ATRX: variants seen among roughly 807,000 people sequenced by gnomAD.
The protein encoded by ATRX is ATRX chromatin remodeler, also known as chromatin remodeler ATRX.
Under a neutral mutation model 172.6 loss-of-function variants are expected in ATRX, and 12 were observed. That is an observed-to-expected ratio of 0.07 (90% CI 0.04 to 0.11). ATRX has a LOEUF of 0.11. ATRX is among the 10% of genes least tolerant of loss of function. The probability of loss-of-function intolerance (pLI) is 1.00; values close to 1 mark genes in which losing one functional copy is unlikely to be tolerated. For missense variants in ATRX, 1,368 were observed against 1,767.4 expected, an observed-to-expected ratio of 0.77 and a Z score of 4.05; for synonymous variants, 674 against 594.7, an observed-to-expected ratio of 1.13 and a Z score of -1.94.
chrX:77,658,488 A>G (rs2069675392), intron 12 of ATRX, among the ~76,000 whole-genome samples: 2 of 112,125 alleles, frequency 1.8e-5, no homozygotes, highest in South Asian at 7.4e-4. Context: ...TGAATCATAG[A>G]GCAGAAAGAA....
At chrX:77,698,255 T>A (rs2072296927) in intron 3 of ATRX, among the ~76,000 whole-genome samples, 1 of 111,355 alleles carries the variant, frequency 9.0e-6, no homozygotes, top group African/African-American at 3.3e-5. Context: ...AGATACCAAG[T>A]TTTGAGAGAT....
intron 1 of ATRX, among the ~76,000 whole-genome samples, chrX:77,776,378 A>G (rs188180865): frequency 3.7e-4 from 41 of 112,062 alleles, no homozygotes; most frequent in African/African-American, 1.3e-3. Context: ...CTTAATATTT[A>G]CATCACCCCA....
At chrX:77,541,733 T>C (rs955304210) in intron 30 of ATRX, among the ~76,000 whole-genome samples, 3 of 112,001 alleles carry the variant, frequency 2.7e-5, no homozygotes, top group Non-Finnish European at 3.8e-5. Context: ...ATTATCTCAA[T>C]AGATGCAGAA....
chrX:77,705,831 C>T (rs781958180), intron 2 of ATRX, among the ~76,000 whole-genome samples: 1 of 112,516 alleles, frequency 8.9e-6, no homozygotes, highest in Admixed American at 9.4e-5. Context: ...ACTGCACAGA[C>T]TTGATTGCCA....
Position 77,707,246 on chromosome X carries a change from G to A in ATRX, c.134-8617C>T, listed in dbSNP as rs2072878838. Among the ~76,000 whole-genome samples, 3 of 112,196 alleles carry A rather than the reference G, an allele frequency of 2.7e-5. No individual in the cohort carries two copies. In the South Asian group the frequency reaches 1.1e-3, roughly 41 times the overall value. ...GGGGAGTTAGTATGTGATGGGTACA[G>A]AGTTTCACTTGGGGAAGATGAAAAA... On this transcript the variant is annotated intron_variant, in intron 2 of 34. Coordinates refer to ENST00000373344, the MANE Select transcript of ATRX (RefSeq NM_000489.6).
chrX:77,602,052 G>C (rs1303082074), intron 22 of ATRX, among the ~76,000 whole-genome samples: 1 of 111,773 alleles, frequency 8.9e-6, no homozygotes, highest in Non-Finnish European at 1.9e-5. Context: ...CACCCAGGCT[G>C]GAGTGCAGTG....
At position 77,684,329 on chromosome X, in the gene ATRX, A is replaced by G. The variant is rs1557142586; in HGVS notation, c.927T>C (p.Tyr309=). The change falls in exon 9 of 35, where the codon TAT becomes TAC. Residue 309 remains tyrosine (Y), a synonymous_variant. Coordinates refer to ENST00000373344, the MANE Select transcript of ATRX (RefSeq NM_000489.6). ...KVDSEKSNKV[Y]EHTSRFSPKK... ...TTGGAGAAAATCTGGATGTATGTTC[A>G]TATACTTTATTACTCTTTTCACTGT... is the stretch of plus-strand genomic sequence containing the variant. 1 of 1,207,707 alleles carries G rather than the reference A, an allele frequency of 8.3e-7. No individual in the cohort carries two copies. Among genetic ancestry groups the G allele is most frequent in the Non-Finnish European group, 1.1e-6 (1 of 892,933 alleles).
chrX:77,684,117 T>C lies in ATRX; in HGVS notation c.1139A>G (p.Asn380Ser). ...YVKFLKQATD[N>S]SEISSATKLR... ...TTTTGTAGCAGAACTGATTTCTGAA[T>C]TATCTGTTGCCTGCTTTAAAAATTT... The change falls in exon 9 of 35, where the codon AAT becomes AGT. Residue 380 changes from asparagine to serine, a missense_variant. This residue lies in a region of ATRX where 843 missense variants were observed against 643.1 expected (regional missense o/e 1.31). Transcript: ENST00000373344. 8.3e-7 allele frequency: 1 copy of C among 1,208,061 alleles called. No homozygotes were observed. The highest frequency in any genetic ancestry group is 1.7e-5 in the African/African-American group (1 of 57,808).
chrX:77,509,841 G>A (rs1379992052), intron 34 of ATRX, among the ~76,000 whole-genome samples: 4 of 101,743 alleles, frequency 3.9e-5, no homozygotes, highest in Non-Finnish European at 7.8e-5. Context: ...AAATAAACCT[G>A]AAAGGCAATC....
intron 28 of ATRX, among the ~76,000 whole-genome samples, chrX:77,565,628 C>T (rs781844842): frequency 1.3e-4 from 14 of 111,645 alleles, no homozygotes; most frequent in African/African-American, 3.6e-4. Flanking sequence ...GGCAAAGGCA[C>T]GCAGATTACT....
chrX:77,557,858 G>A (rs1695461265), intron 29 of ATRX, among the ~76,000 whole-genome samples: 1 of 111,358 alleles, frequency 9.0e-6, no homozygotes, highest in African/African-American at 3.3e-5. Flanking sequence ...TTACATTACT[G>A]ATAATTATTC....
intron 12 of ATRX, among the ~76,000 whole-genome samples, chrX:77,657,701 G>T (rs1370443857): frequency 9.0e-6 from 1 of 111,686 alleles, no homozygotes; most frequent in Non-Finnish European, 1.9e-5. Flanking sequence ...ATTACAACTA[G>T]GCAAATACCA....
At chrX:77,771,464 T>TA (rs2076151168) in intron 1 of ATRX, among the ~76,000 whole-genome samples, 1 of 109,580 alleles carries the variant, frequency 9.1e-6, no homozygotes, top group African/African-American at 3.3e-5. Flanking sequence ...TCATACTTAT[T>TA]ATCTCATTTT....
rs375372323 is a variant in ATRX at position 77,684,928 on chromosome X, A to G, written c.662+11T>C. On this transcript the variant is annotated intron_variant, in intron 8 of 34. Transcript: ENST00000373344. ...GGAAACACTGAATGTTAGCTCATCTATATTACCTACCTACATTGTTCATCC... is the reference window on the plus strand; with the variant it reads ...GGAAACACTGAATGTTAGCTCATCTGTATTACCTACCTACATTGTTCATCC... 5.5e-5 allele frequency: 65 copies of G among 1,184,238 alleles called. No individual in the cohort carries two copies. Among genetic ancestry groups the G allele is most frequent in the African/African-American group, 3.7e-4 (21 of 56,818 alleles).
At chrX:77,711,279 T>C (rs148010166) in intron 2 of ATRX, among the ~76,000 whole-genome samples, 2 of 111,951 alleles carry the variant, frequency 1.8e-5, no homozygotes, top group Admixed American at 9.5e-5. Context: ...CCCACTAAAA[T>C]TGGTAACACT....
Position 77,523,396 on chromosome X carries a change from G to T in ATRX, c.6705C>A (p.Thr2235=). The change falls in exon 31 of 35, where the codon ACC becomes ACA. Residue 2235 remains threonine, a synonymous_variant. Coordinates refer to ENST00000373344, the MANE Select transcript of ATRX (RefSeq NM_000489.6). ...GTATCTGAAGGAGCTCTGCAAGTAT[G>T]GTATCCTGTTTAGAGGGGTTGAAAT... ...KRDTPMLPKD[T]ILAELLQIHK... 8.3e-7 allele frequency: 1 copy of T among 1,206,875 alleles called. No individual in the cohort carries two copies. Among genetic ancestry groups the T allele is most frequent in the South Asian group, 1.8e-5 (1 of 56,817 alleles).
intron 30 of ATRX, among the ~76,000 whole-genome samples, chrX:77,525,426 C>G (rs1557043347): frequency 2.7e-5 from 3 of 111,748 alleles, no homozygotes; most frequent in African/African-American, 9.7e-5. Context: ...TAAAATAAAA[C>G]CAGATAACAC....
At position 77,683,390 on chromosome X, in the gene ATRX, G is replaced by A; in HGVS notation, c.1866C>T (p.Pro622=). Residue 622 remains proline, a synonymous_variant, in exon 9 of 35, where the codon CCC becomes CCT. Transcript: ENST00000373344. ...GTCCAAGTCCACATTTCTCTAACTT[G>A]GGGTTCAGACCACAACTTTTATAGC... is the stretch of plus-strand genomic sequence containing the variant. ...KDGYKSCGLN[P]KLEKCGLGQE... 8.3e-7 allele frequency: 1 copy of A among 1,210,788 alleles called. No individual in the cohort carries two copies. The highest frequency in any genetic ancestry group is 1.1e-6 in the Non-Finnish European group (1 of 894,989).
At chrX:77,759,006 A>T (rs1226645052) in intron 1 of ATRX, among the ~76,000 whole-genome samples, 1 of 111,892 alleles carries the variant, frequency 8.9e-6, no homozygotes, top group Admixed American at 9.6e-5. Flanking sequence ...AAGATACATA[A>T]CATGGCTGTT....
Sources: allele counts gnomAD v4.1 joint callset (sites outside exome capture counted in the v4.1 genomes callset), GRCh38; gene constraint gnomAD v4.1.1; regional missense constraint gnomAD v4.1.1; transcripts MANE v1.5; gene names NCBI Gene and HGNC (gene_info 2026-07-23, HGNC 2026-07-21).